The following MAML2 variants were observed in gnomAD, a reference collection of about 807,000 sequenced individuals.
MAML2 encodes the protein mastermind like transcriptional coactivator 2, also known as mastermind-like protein 2.
MAML2 carries 22 observed loss-of-function variants against 96.1 expected under a neutral mutation model. That is an observed-to-expected ratio of 0.23 (90% CI 0.16 to 0.33). The LOEUF (loss-of-function observed/expected upper bound fraction) is 0.33, where lower values mean the gene tolerates loss of function less well. Among genes scored for constraint, MAML2 ranks in the 10% least tolerant of loss-of-function variants. The probability of loss-of-function intolerance (pLI) is 1.00; values close to 1 mark genes in which losing one functional copy is unlikely to be tolerated. For synonymous variants in MAML2, 561 were observed against 521.3 expected, an observed-to-expected ratio of 1.08 and a Z score of -1.04; for missense variants, 1,367 against 1,392.4, an observed-to-expected ratio of 0.98 and a Z score of 0.29.
In MAML2 at chr11:96,252,425, CT is replaced by C. The variant is rs35604635; in HGVS notation, c.513+88957del. Among the ~76,000 whole-genome samples the C allele has an allele frequency of 1.2e-3, 150 of 122,564 alleles. No homozygotes were observed. In the Middle Eastern group the frequency reaches 0.013, roughly 10 times the overall value. The allele number at this position is 122,564 out of a possible 152,430, so 80.4% of individuals were successfully genotyped here. A position where few individuals can be genotyped will look rare whatever the true frequency, so the allele number is the denominator to read the frequency against. On this transcript the variant is annotated intron_variant, in intron 1 of 4. Coordinates refer to ENST00000524717, the MANE Select transcript of MAML2 (RefSeq NM_032427.4). ...TCTCAGCGCTTTACCTTGACTAACT[CT>C]TTTTTTTTTTTTTTTTTTGACCTGG... is the stretch of plus-strand genomic sequence containing the variant.
At position 96,186,530 on chromosome 11, in the gene MAML2, G is replaced by A. The variant is rs1454654906; in HGVS notation, c.514-93013C>T. ...CTTGAACCCGGGAGGTGGAGGTTGC[G>A]GTGAGCTGAGATTGTGCCATTGCAC... is the stretch of plus-strand genomic sequence containing the variant. On this transcript the variant is annotated intron_variant, in intron 1 of 4. Transcript: ENST00000524717. 2.6e-5 allele frequency among the ~76,000 whole-genome samples: 4 copies of A among 152,110 alleles called. No individual in the cohort carries two copies. The East Asian group carries it at 5.8e-4, about 22-fold the overall frequency.
intron 1 of MAML2, among the ~76,000 whole-genome samples, chr11:96,316,585 A>G (rs983787551): frequency 2.6e-5 from 4 of 152,170 alleles, no homozygotes; most frequent in Non-Finnish European, 5.9e-5. Context: ...TAAATGATCC[A>G]CACACAACTT....
At chr11:96,091,457 G>A (rs1024296355) in intron 2 of MAML2, among the ~76,000 whole-genome samples, 5 of 150,642 alleles carry the variant, frequency 3.3e-5, no homozygotes, top group Admixed American at 3.3e-4. Context: ...TGCAGGTGTA[G>A]ATCAGTCATT....
intron 1 of MAML2, among the ~76,000 whole-genome samples, chr11:96,267,018 C>T (rs1215576232): frequency 6.6e-6 from 1 of 152,072 alleles, no homozygotes; most frequent in Non-Finnish European, 1.5e-5. Flanking sequence ...AATGAAAGGC[C>T]ATGTAGCCTG....
intron 1 of MAML2, among the ~76,000 whole-genome samples, chr11:96,323,499 C>G (rs937805581): frequency 1.2e-4 from 18 of 149,688 alleles, no homozygotes; most frequent in Non-Finnish European, 2.2e-4. Flanking sequence ...AAAAAAAACC[C>G]ATCTGCATGC....
chr11:96,251,524 T>C (rs4278478), intron 1 of MAML2, among the ~76,000 whole-genome samples: 66,964 of 152,026 alleles, frequency 0.44, 15,022 homozygotes, highest in South Asian at 0.62. Context: ...CTGCCTGTAT[T>C]GTTATTAGTA....
chr11:96,065,512 A>G (rs1859231320), intron 2 of MAML2, among the ~76,000 whole-genome samples: 1 of 152,204 alleles, frequency 6.6e-6, no homozygotes, highest in South Asian at 2.1e-4. Context: ...ATAACAACTT[A>G]GAGAATCTAG....
chr11:96,096,105 C>G (rs1225534255), intron 1 of MAML2, among the ~76,000 whole-genome samples: 3 of 152,214 alleles, frequency 2.0e-5, no homozygotes, highest in African/African-American at 7.2e-5. Context: ...TCTTTCACAA[C>G]TAGGAAAGAA....
At chr11:96,090,566 G>A (rs1453763283) in intron 2 of MAML2, among the ~76,000 whole-genome samples, 1 of 152,206 alleles carries the variant, frequency 6.6e-6, no homozygotes, top group Non-Finnish European at 1.5e-5. Context: ...ATAGTTCTAC[G>A]ACTTGTTTTT....
intron 1 of MAML2, among the ~76,000 whole-genome samples, chr11:96,101,484 G>T (rs539684090): frequency 3.0e-4 from 45 of 152,294 alleles, no homozygotes; most frequent in African/African-American, 1.1e-3. Context: ...GAAGCTGTGG[G>T]ATCTAGAAAG....
intron 2 of MAML2, among the ~76,000 whole-genome samples, chr11:96,084,927 TCA>T (rs1859584124): frequency 6.6e-6 from 1 of 152,194 alleles, no homozygotes; most frequent in Non-Finnish European, 1.5e-5. Flanking sequence ...TGGAGAGAAC[TCA>T]CAGTAGAATG....
chr11:96,175,099 C>T (rs564715301), intron 1 of MAML2, among the ~76,000 whole-genome samples: 29 of 152,328 alleles, frequency 1.9e-4, no homozygotes, highest in Middle Eastern at 3.4e-3. Context: ...CTGGGGCTGA[C>T]TTCTTAATCT....
At chr11:96,140,582 A>C (rs1264310101) in intron 1 of MAML2, among the ~76,000 whole-genome samples, 1 of 152,218 alleles carries the variant, frequency 6.6e-6, no homozygotes, top group African/African-American at 2.4e-5. Context: ...TCTTACATGC[A>C]GAGGCACTTC....
At chr11:96,165,424 A>T (rs1046180343) in intron 1 of MAML2, among the ~76,000 whole-genome samples, 1 of 152,212 alleles carries the variant, frequency 6.6e-6, no homozygotes, top group East Asian at 1.9e-4. Flanking sequence ...ACCTTAACGT[A>T]ATTTTTTTAA....
chr11:96,326,897 A>G (rs1424942273), intron 1 of MAML2, among the ~76,000 whole-genome samples: 1 of 152,226 alleles, frequency 6.6e-6, no homozygotes, highest in African/African-American at 2.4e-5. Flanking sequence ...TAGGGCTTGG[A>G]ATACTTATGG....
At chr11:96,216,624 T>C (rs1862053715) in intron 1 of MAML2, among the ~76,000 whole-genome samples, 1 of 152,210 alleles carries the variant, frequency 6.6e-6, no homozygotes, top group Non-Finnish European at 1.5e-5. Context: ...AAAATGCTTA[T>C]GGATCATTTA....
intron 1 of MAML2, among the ~76,000 whole-genome samples, chr11:96,094,816 A>C (rs1859798062): frequency 6.6e-6 from 1 of 152,242 alleles, no homozygotes; most frequent in Admixed American, 6.5e-5. Context: ...ACGAGGCAAG[A>C]AAACATTTCC....
chr11:96,162,711 CAAAAAAAGAAA>C (rs968631317), intron 1 of MAML2, among the ~76,000 whole-genome samples: 1 of 83,506 alleles, frequency 1.2e-5, no homozygotes, highest in African/African-American at 4.9e-5. Flanking sequence ...AACTCCGTCT[CAAAAAAAGAAA>C]AAAAAAAAAG....
intron 1 of MAML2, among the ~76,000 whole-genome samples, chr11:96,141,806 C>T (rs561265107): frequency 3.9e-5 from 6 of 152,236 alleles, no homozygotes; most frequent in African/African-American, 7.2e-5. Flanking sequence ...AAGCTAGGAC[C>T]GCCTCCATGT....
Sources: gnomAD v4.1 joint callset for allele counts (sites outside exome capture counted in the v4.1 genomes callset) on GRCh38, gnomAD v4.1.1 for gene constraint, MANE v1.5 for transcripts, NCBI Gene and HGNC (gene_info 2026-07-23, HGNC 2026-07-21) for gene names.